SPTBN4: variants seen among roughly 807,000 people sequenced by gnomAD.
The protein encoded by SPTBN4 is spectrin beta chain, non-erythrocytic 4.
In SPTBN4, 96 loss-of-function variants were observed where a neutral mutation model predicts 277.8. That is an observed-to-expected ratio of 0.35 (90% CI 0.29 to 0.41). SPTBN4 has a LOEUF of 0.41. Among genes scored for constraint, SPTBN4 ranks in the 10% least tolerant of loss-of-function variants. SPTBN4 has a pLI of 1.00. For missense variants in SPTBN4, 3,006 were observed against 3,595.7 expected (o/e 0.84, Z 4.19); for synonymous variants, 1,481 against 1,580.3 (o/e 0.94, Z 1.49).
chr19:40,552,501 TGTGCTAA>T (rs993516625), intron 22 of SPTBN4, among the ~76,000 whole-genome samples: 3 of 151,296 alleles, frequency 2.0e-5, no homozygotes, highest in Non-Finnish European at 4.4e-5. Flanking sequence ...AGATTTACTG[TGTGCTAA>T]GTACTGTCTT....
rs1042930237 is a variant in SPTBN4 at position 40,549,175 on chromosome 19, C to A, written c.4360-14C>A. 5.2e-6 allele frequency: 8 copies of A among 1,534,526 alleles called. No homozygotes were observed. The Admixed American group carries it at 1.6e-4, about 31-fold the overall frequency. The stretch of plus-strand genomic sequence containing the variant: ...GGCGGGTGGGGCCCATTGACCCTGC[C>A]TCTGTCCCCACAGTCCATGGAGTCG... On this transcript the variant is annotated splice_polypyrimidine_tract_variant and intron_variant, in intron 20 of 35. Transcript: ENST00000598249.
chr19:40,565,180 G>A (rs2081078638), intron 27 of SPTBN4, among the ~76,000 whole-genome samples: 2 of 151,894 alleles, frequency 1.3e-5, no homozygotes, highest in South Asian at 2.1e-4. Flanking sequence ...CAGGAGAATC[G>A]CCTGAACTCG....
intron 6 of SPTBN4, among the ~76,000 whole-genome samples, chr19:40,497,072 CAAAAA>C (rs35856852): frequency 1.7e-5 from 1 of 59,612 alleles, no homozygotes; most frequent in Non-Finnish European, 3.3e-5. Context: ...GACTCCATCT[CAAAAA>C]AAAAAAAAAA....
At chr19:40,546,241 AG>A (rs1362980346) in intron 20 of SPTBN4, among the ~76,000 whole-genome samples, 6 of 148,970 alleles carry the variant, frequency 4.0e-5, no homozygotes, top group African/African-American at 1.5e-4. Context: ...AAAAAAAAAA[AG>A]AAAGAAAGAA....
chr19:40,547,093 A>G (rs1007325477), intron 20 of SPTBN4, among the ~76,000 whole-genome samples: 2 of 152,040 alleles, frequency 1.3e-5, no homozygotes, highest in Non-Finnish European at 2.9e-5. Flanking sequence ...GGTTTGTTAC[A>G]TAGGAATTCA....
rs540142754 is a variant in SPTBN4, at chr19:40,502,246, A to G, written c.1016A>G (p.Asn339Ser). Residue 339 changes from asparagine to serine, a missense_variant, in exon 9 of 36, where the codon AAC becomes AGC. Transcript: ENST00000598249. The surrounding 1 kb of genome is among the most constrained non-coding windows in gnomAD (Gnocchi z 4.9). ...VGLISNQKFA[N>S]SLSGVQQQLQ... ...CTCATCAGCAATCAGAAATTTGCCA[A>G]CTCCTTAAGTGGGGTGCAGCAGCAA... 32 of 1,613,458 alleles carry G rather than the reference A, an allele frequency of 2.0e-5. No individual in the cohort carries two copies. Among genetic ancestry groups the G allele is most frequent in the Non-Finnish European group, 2.6e-5 (31 of 1,179,950 alleles).
intron 11 of SPTBN4, among the ~76,000 whole-genome samples, chr19:40,503,535 G>A (rs2080287171): frequency 6.7e-6 from 1 of 150,074 alleles, no homozygotes; most frequent in African/African-American, 2.5e-5. Flanking sequence ...GGTGGAGCTG[G>A]TCTCCAGGAT....
At chr19:40,537,392 G>A (rs1362883200) in intron 20 of SPTBN4, among the ~76,000 whole-genome samples, 2 of 152,188 alleles carry the variant, frequency 1.3e-5, no homozygotes, top group East Asian at 3.8e-4. Context: ...ACTAGCACAG[G>A]TCATCAGGTC....
intron 7 of SPTBN4, among the ~76,000 whole-genome samples, chr19:40,499,974 G>A (rs534974504): frequency 4.0e-5 from 6 of 151,248 alleles, no homozygotes; most frequent in African/African-American, 1.5e-4. Flanking sequence ...TCATGGTGAT[G>A]GCTTGTGCCT....
Position 40,557,143 on chromosome 19 carries a change from A to G in SPTBN4, c.5410A>G (p.Thr1804Ala). The G allele has an allele frequency of 4.3e-6, 7 of 1,611,406 alleles. No individual in the cohort carries two copies. The highest frequency in any genetic ancestry group is 5.9e-6 in the Non-Finnish European group (7 of 1,177,926). The change falls in exon 26 of 36, where the codon ACC (threonine) becomes GCC (alanine). Residue 1804 changes from threonine to alanine, a missense_variant. Transcript: ENST00000598249. ...LIECGHTAAA[T>A]MAEWKDGLNE... The stretch of plus-strand genomic sequence containing the variant: ...CGAGTGTGGCCATACAGCAGCGGCC[A>G]CCATGGCCGAGTGGAAGGACGGACT...
chr19:40,493,650 G>T (rs1337517618), intron 5 of SPTBN4, among the ~76,000 whole-genome samples: 2 of 152,032 alleles, frequency 1.3e-5, no homozygotes, highest in Non-Finnish European at 2.9e-5. Context: ...TTTGAGTCCA[G>T]GAGTTCAAGG....
At chr19:40,493,151 C>T in intron 5 of SPTBN4, 97 bp downstream of exon 5, 1 of 1,113,880 alleles carries the variant, frequency 9.0e-7, no homozygotes, top group Middle Eastern at 2.4e-4. Context: ...CAGCCCATGT[C>T]CTCAGGGTCA....
chr19:40,486,286 C>T (rs534702821), intron 2 of SPTBN4, among the ~76,000 whole-genome samples: 3 of 151,878 alleles, frequency 2.0e-5, no homozygotes, highest in East Asian at 1.9e-4. Flanking sequence ...GTGAGACCCC[C>T]GTCTCAAGGG....
chr19:40,531,482 T>TG, intron 18 of SPTBN4, among the ~76,000 whole-genome samples: 1 of 122,940 alleles, frequency 8.1e-6, no homozygotes, highest in East Asian at 2.2e-4. Context: ...TTTTTTTTTT[T>TG]TTTTTTTTTT....
intron 2 of SPTBN4, among the ~76,000 whole-genome samples, chr19:40,483,718 A>C (rs1035350815): frequency 3.3e-5 from 5 of 152,130 alleles, no homozygotes; most frequent in Non-Finnish European, 7.4e-5. Flanking sequence ...TCTGCCTTCT[A>C]ACAGATGATG....
At chr19:40,491,787 C>T (rs2080140050) in intron 4 of SPTBN4, among the ~76,000 whole-genome samples, 1 of 134,044 alleles carries the variant, frequency 7.5e-6, no homozygotes, top group South Asian at 2.2e-4. Context: ...CTCTGAGAGG[C>T]TGAGGTGGGT....
At chr19:40,566,913 C>A in intron 30 of SPTBN4, 1 of 244,778 alleles carries the variant, frequency 4.1e-6, no homozygotes, top group Non-Finnish European at 8.5e-6. Flanking sequence ...TGCAGTGAGC[C>A]AAGATCGTGC....
chr19:40,556,321 G>T lies in SPTBN4; in HGVS notation c.5289+33G>T, dbSNP rs187974991. The T allele has an allele frequency of 8.8e-4, 1,390 of 1,580,560 alleles. 13 individuals carry two copies. In the African/African-American group the frequency reaches 0.016, roughly 19 times the overall value. On this transcript the variant is annotated intron_variant, in intron 25 of 35. Coordinates refer to ENST00000598249, the MANE Select transcript of SPTBN4 (RefSeq NM_020971.3). ...TCATTAGTAATAAGTGATACCAGGA[G>T]CTACCACTAAGGTTCTCTGGGCCTT...
chr19:40,470,034 T>C (rs975622406), intron 1 of SPTBN4, among the ~76,000 whole-genome samples: 1 of 152,124 alleles, frequency 6.6e-6, no homozygotes, highest in African/African-American at 2.4e-5. Context: ...GGTCTCACTC[T>C]GTCGCCCAGG....
Sources: gnomAD v4.1 joint callset for allele counts (sites outside exome capture counted in the v4.1 genomes callset) on GRCh38, gnomAD v4.1.1 for gene constraint, Gnocchi (gnomAD v3.1) non-coding constraint, MANE v1.5 for transcripts, NCBI Gene and HGNC (gene_info 2026-07-23, HGNC 2026-07-21) for gene names.